The following ITSN2 variants were observed in gnomAD, a reference collection of about 807,000 sequenced individuals.
ITSN2 encodes the protein intersectin 2.
ITSN2 carries 156 observed loss-of-function variants against 243.7 expected under a neutral mutation model. The observed-to-expected ratio is 0.64, with a 90% CI of 0.56 to 0.73. The LOEUF (loss-of-function observed/expected upper bound fraction) is 0.73. Among genes scored for constraint, ITSN2 ranks in the 30% least tolerant of loss-of-function variants. The pLI is 0.00. For synonymous variants in ITSN2, 703 were observed against 699.9 expected, an observed-to-expected ratio of 1.00 and a Z score of -0.07; for missense variants, 1,801 against 1,996.1, an observed-to-expected ratio of 0.90 and a Z score of 1.86.
chr2:24,359,911 C>G (rs1044113603), intron 1 of ITSN2, among the ~76,000 whole-genome samples: 1 of 152,118 alleles, frequency 6.6e-6, no homozygotes, highest in African/African-American at 2.4e-5. Context: ...CCCGAGGAGG[C>G]GTGCGGGTGC....
At chr2:24,309,353 C>T (rs1013763821) in intron 7 of ITSN2, among the ~76,000 whole-genome samples, 1 of 152,062 alleles carries the variant, frequency 6.6e-6, no homozygotes, top group Non-Finnish European at 1.5e-5. Flanking sequence ...CCACCACGCC[C>T]GGCTAATTTT....
chr2:24,271,058 G>A lies in ITSN2; in HGVS notation c.2258-290C>T, dbSNP rs180773141. Among the ~76,000 whole-genome samples the A allele has an allele frequency of 3.7e-3, 558 of 152,234 alleles. 2 individuals carry two copies. The highest frequency in any genetic ancestry group is 0.012 in the African/African-American group (511 of 41,520). ...AAAGTGCAGGAGTGGGGGCCAGGCT[G>A]AGCTGTACAAAGTGGAAGGAGACCA... On this transcript the variant is annotated intron_variant, in intron 19 of 39. Coordinates refer to ENST00000355123, the MANE Select transcript of ITSN2 (RefSeq NM_006277.3).
At chr2:24,276,497 T>A (rs1172894286) in intron 17 of ITSN2, among the ~76,000 whole-genome samples, 1 of 152,214 alleles carries the variant, frequency 6.6e-6, no homozygotes, top group African/African-American at 2.4e-5. Flanking sequence ...TTTAAAGAGT[T>A]CACAATCTCA....
At chr2:24,256,414 A>C (rs1486240124) in intron 23 of ITSN2, among the ~76,000 whole-genome samples, 1 of 152,226 alleles carries the variant, frequency 6.6e-6, no homozygotes, top group Non-Finnish European at 1.5e-5. Context: ...GCCTGGCAAA[A>C]ATAGCAGAGC....
chr2:24,323,867 G>T (rs1017199967), intron 2 of ITSN2, among the ~76,000 whole-genome samples: 1 of 152,170 alleles, frequency 6.6e-6, no homozygotes, highest in Non-Finnish European at 1.5e-5. Flanking sequence ...TCAGGGAATA[G>T]CCTGAAACTA....
intron 2 of ITSN2, among the ~76,000 whole-genome samples, chr2:24,325,595 T>C (rs1209615317): frequency 6.6e-6 from 1 of 152,248 alleles, no homozygotes; most frequent in African/African-American, 2.4e-5. Context: ...TATATTTATC[T>C]GTAAGCCTTA....
chr2:24,209,205 T>G lies in ITSN2; in HGVS notation c.4490A>C (p.Glu1497Ala), dbSNP rs1669234713. The G allele has an allele frequency of 3.1e-6, 5 of 1,614,034 alleles. No homozygotes were observed. Among genetic ancestry groups the G allele is most frequent in the Non-Finnish European group, 3.4e-6 (4 of 1,179,960 alleles). The change falls in exon 36 of 40, where the codon GAA becomes GCA. Residue 1497 changes from glutamate (E) to alanine (A), a missense_variant. Around this residue, in one of 5 missense-constraint regions of ITSN2, gnomAD observed 928 missense variants for 1,065.4 expected, o/e 0.87. Transcript: ENST00000355123. ...KMYKTPIFLNEVLVKLPTDPS... is the reference protein window; with the variant it reads ...KMYKTPIFLNAVLVKLPTDPS... ...GTCTGTGGGCAGTTTCACCAAGACT[T>G]CATTCAGGAAAATGGGCTGAAAGAA...
At chr2:24,302,889 G>A (rs756210640) in intron 9 of ITSN2, among the ~76,000 whole-genome samples, 1 of 152,200 alleles carries the variant, frequency 6.6e-6, no homozygotes, top group Non-Finnish European at 1.5e-5. Context: ...ACAATGGACT[G>A]CATTTATAAT....
intron 15 of ITSN2, among the ~76,000 whole-genome samples, chr2:24,292,017 G>T (rs1680317559): frequency 6.6e-6 from 1 of 152,044 alleles, no homozygotes; most frequent in South Asian, 2.1e-4. Flanking sequence ...CTCACAATGG[G>T]AATAATAACT....
chr2:24,298,221 G>A (rs187393861), intron 13 of ITSN2, among the ~76,000 whole-genome samples: 64 of 151,998 alleles, frequency 4.2e-4, no homozygotes, highest in African/African-American at 1.4e-3. Context: ...GCAGTGGCGC[G>A]ATCTCAGCTC....
chr2:24,328,617 C>T (rs1685428753), intron 1 of ITSN2, among the ~76,000 whole-genome samples: 1 of 152,026 alleles, frequency 6.6e-6, no homozygotes, highest in Admixed American at 6.5e-5. Flanking sequence ...AATGCTCCAC[C>T]ACACCTGGCT....
intron 36 of ITSN2, 34 bp downstream of exon 36, chr2:24,209,066 A>G (rs1370844272): frequency 1.9e-6 from 3 of 1,609,210 alleles, no homozygotes; most frequent in South Asian, 2.2e-5. Flanking sequence ...CTTCTCCCAG[A>G]GTTCAAGGCA....
At chr2:24,251,181 C>G (rs1000778211) in intron 25 of ITSN2, among the ~76,000 whole-genome samples, 2 of 149,394 alleles carry the variant, frequency 1.3e-5, no homozygotes, top group African/African-American at 4.9e-5. Flanking sequence ...AAAAATTAGC[C>G]AGGCATGGTA....
At chr2:24,357,865 T>C (rs1232252186) in intron 1 of ITSN2, among the ~76,000 whole-genome samples, 1 of 152,252 alleles carries the variant, frequency 6.6e-6, no homozygotes, top group African/African-American at 2.4e-5. Flanking sequence ...ATATGTACTT[T>C]CACTCATTCA....
intron 2 of ITSN2, among the ~76,000 whole-genome samples, chr2:24,325,511 CAACT>C (rs1307172779): frequency 2.0e-5 from 3 of 151,546 alleles, no homozygotes; most frequent in Admixed American, 6.5e-5. Context: ...TTAAATATAT[CAACT>C]AACAGAACCC....
chr2:24,207,020 G>A (rs917283200), intron 37 of ITSN2, among the ~76,000 whole-genome samples: 3 of 152,130 alleles, frequency 2.0e-5, no homozygotes, highest in African/African-American at 7.2e-5. Context: ...TGGATGGGCC[G>A]GGCACAGGAA....
At chr2:24,277,408 T>C (rs1197835434) in intron 17 of ITSN2, among the ~76,000 whole-genome samples, 1 of 152,248 alleles carries the variant, frequency 6.6e-6, no homozygotes, top group Non-Finnish European at 1.5e-5. Context: ...AAGTACAGCA[T>C]GCTGTCCAGA....
At chr2:24,250,421 G>A (rs1673944415) in intron 25 of ITSN2, among the ~76,000 whole-genome samples, 2 of 152,160 alleles carry the variant, frequency 1.3e-5, no homozygotes, top group African/African-American at 4.8e-5. Flanking sequence ...CTACCACTAT[G>A]AGTCTGACAG....
intron 17 of ITSN2, among the ~76,000 whole-genome samples, chr2:24,277,680 G>A (rs1216200847): frequency 6.6e-6 from 1 of 152,142 alleles, no homozygotes; most frequent in Non-Finnish European, 1.5e-5. Context: ...ATAACCTTAG[G>A]AAAGTTATTT....
Sources: allele counts gnomAD v4.1 joint callset (sites outside exome capture counted in the v4.1 genomes callset), GRCh38; gene constraint gnomAD v4.1.1; regional missense constraint gnomAD v4.1.1; transcripts MANE v1.5; gene names NCBI Gene and HGNC (gene_info 2026-07-23, HGNC 2026-07-21).